VPS13D: variants seen among roughly 807,000 people sequenced by gnomAD.
VPS13D encodes intermembrane lipid transfer protein VPS13D.
Under a neutral mutation model 461.9 loss-of-function variants are expected in VPS13D, and 187 were observed. The ratio of observed to expected loss-of-function variants is 0.40; its 90% confidence interval spans 0.36 to 0.46. VPS13D has a LOEUF of 0.46. VPS13D is among the 20% of genes least tolerant of loss of function. The probability of loss-of-function intolerance (pLI) is 0.60; values close to 1 mark genes in which losing one functional copy is unlikely to be tolerated. For missense variants in VPS13D, 4,711 were observed against 5,364.9 expected (o/e 0.88, Z 3.81); for synonymous variants, 1,951 against 1,986.3 (o/e 0.98, Z 0.47).
rs116215198 is a variant in VPS13D, at chr1:12,355,981, C to T, written c.9762C>T (p.Leu3254=). 2.2e-4 allele frequency: 347 copies of T among 1,613,578 alleles called. 1 individual carries two copies. In the African/African-American group the frequency reaches 4.0e-3, roughly 19 times the overall value. Reference sequence around the variant, plus strand: ...AAAACTATATGGTGAGAATGCGACTCTATGACGTCAACCGTCGGCAGCTGA... The same window carrying T: ...AAAACTATATGGTGAGAATGCGACTTTATGACGTCAACCGTCGGCAGCTGA... ...GTQNYMVRMR[L]YDVNRRQLNL... Residue 3254 remains leucine, a synonymous_variant, in exon 48 of 70, where the codon CTC becomes CTT. Coordinates refer to ENST00000620676, the MANE Select transcript of VPS13D (RefSeq NM_015378.4).
intron 62 of VPS13D, among the ~76,000 whole-genome samples, chr1:12,403,106 G>A (rs1023504676): frequency 2.6e-5 from 4 of 152,232 alleles, no homozygotes; most frequent in African/African-American, 9.6e-5. Context: ...TGATAAGTAG[G>A]TATGTGCCAG....
At chr1:12,492,078 C>T (rs1350374021) in intron 67 of VPS13D, among the ~76,000 whole-genome samples, 1 of 152,080 alleles carries the variant, frequency 6.6e-6, no homozygotes, top group Non-Finnish European at 1.5e-5. Context: ...TCCATTGTCC[C>T]CAGAATTATT....
chr1:12,482,039 G>C (rs1319249105), intron 67 of VPS13D, among the ~76,000 whole-genome samples: 1 of 152,232 alleles, frequency 6.6e-6, no homozygotes, highest in African/African-American at 2.4e-5. Context: ...CTGCAAGCAA[G>C]AGAAGCCCGC....
intron 67 of VPS13D, among the ~76,000 whole-genome samples, chr1:12,460,921 A>G (rs996208637): frequency 2.6e-5 from 4 of 151,994 alleles, no homozygotes; most frequent in Non-Finnish European, 5.9e-5. Flanking sequence ...CCCCAACCCC[A>G]TAAAGAAAAG....
intron 64 of VPS13D, among the ~76,000 whole-genome samples, chr1:12,415,621 C>T (rs1644783662): frequency 1.3e-5 from 2 of 148,310 alleles, no homozygotes; most frequent in Admixed American, 1.4e-4. Flanking sequence ...TTTAAATCAC[C>T]TTGGACATTT....
intron 60 of VPS13D, among the ~76,000 whole-genome samples, chr1:12,396,621 C>A (rs1272261321): frequency 6.6e-6 from 1 of 152,182 alleles, no homozygotes; most frequent in Non-Finnish European, 1.5e-5. Flanking sequence ...TACATCCTTA[C>A]TGGGAGTGTG....
In VPS13D at chr1:12,403,821, C is replaced by T; in HGVS notation, c.11882-4C>T. ...TTGTTTTTTTAATTCTTCCTTTGTA[C>T]CAGAGGTGGAAAAATATGATGAAAA... On this transcript the variant is annotated splice_region_variant and splice_polypyrimidine_tract_variant and intron_variant, in intron 62 of 69. Coordinates refer to ENST00000620676, the MANE Select transcript of VPS13D (RefSeq NM_015378.4). 2 of 1,589,108 alleles carry T rather than the reference C, an allele frequency of 1.3e-6. No individual in the cohort carries two copies. Among genetic ancestry groups the T allele is most frequent in the Non-Finnish European group, 1.7e-6 (2 of 1,169,868 alleles).
At chr1:12,371,054 T>G (rs1050479863) in intron 54 of VPS13D, among the ~76,000 whole-genome samples, 1 of 152,244 alleles carries the variant, frequency 6.6e-6, no homozygotes, top group African/African-American at 2.4e-5. Flanking sequence ...TTTTTAATTT[T>G]GTTTTTGAGG....
At chr1:12,398,894 A>G (rs1260244412) in intron 60 of VPS13D, among the ~76,000 whole-genome samples, 1 of 152,236 alleles carries the variant, frequency 6.6e-6, no homozygotes, top group East Asian at 1.9e-4. Flanking sequence ...CCTTGGGGTC[A>G]GACAGACCGA....
intron 2 of VPS13D, among the ~76,000 whole-genome samples, chr1:12,240,218 T>C (rs1339337245): frequency 1.3e-5 from 2 of 152,164 alleles, no homozygotes; most frequent in Non-Finnish European, 1.5e-5. Flanking sequence ...TGCCTGCAAT[T>C]CCCTTTACTT....
chr1:12,321,157 C>T (rs1460305678), intron 32 of VPS13D, among the ~76,000 whole-genome samples: 2 of 152,172 alleles, frequency 1.3e-5, no homozygotes, highest in South Asian at 4.1e-4. Context: ...TATTTTTTAA[C>T]CTTTTATTAT....
At chr1:12,368,150 C>G (rs1254938545) in intron 52 of VPS13D, among the ~76,000 whole-genome samples, 1 of 152,122 alleles carries the variant, frequency 6.6e-6, no homozygotes, top group Non-Finnish European at 1.5e-5. Flanking sequence ...CTTTCCATTC[C>G]CTTCAGCGAT....
intron 66 of VPS13D, 99 bp downstream of exon 66, chr1:12,456,229 C>T (rs946664682): frequency 1.9e-5 from 27 of 1,458,670 alleles, no homozygotes; most frequent in Non-Finnish European, 2.3e-5. Flanking sequence ...GTGGGCTGGG[C>T]GCGGTGGCTC....
chr1:12,276,621 A>C lies in VPS13D; in HGVS notation c.3033A>C (p.Thr1011=). 1 of 1,614,198 alleles carries C rather than the reference A, an allele frequency of 6.2e-7. No individual in the cohort carries two copies. The highest frequency in any genetic ancestry group is 8.5e-7 in the Non-Finnish European group (1 of 1,180,026). The change falls in exon 19 of 70, where the codon ACA becomes ACC. Residue 1011 remains threonine, a synonymous_variant. Transcript: ENST00000620676. This position sits in a 1 kb window ranked among gnomAD's most constrained non-coding sequence, Gnocchi z 4.5. ...HGLLLVDTMQ[T]YGADFDLLMA... is the part of the protein sequence containing the mutation. ...TGCTCCTGGTGGATACCATGCAGACATATGGTGCTGATTTTGACCTTTTGA... is the reference window on the plus strand; with the variant it reads ...TGCTCCTGGTGGATACCATGCAGACCTATGGTGCTGATTTTGACCTTTTGA...
chr1:12,419,187 A>G (rs1459237407), intron 65 of VPS13D, among the ~76,000 whole-genome samples: 1 of 152,206 alleles, frequency 6.6e-6, no homozygotes, highest in African/African-American at 2.4e-5. Context: ...TTGATTTGGT[A>G]TCATGCTTTG....
At chr1:12,310,794 TC>T (rs1337341897) in intron 27 of VPS13D, among the ~76,000 whole-genome samples, 192 of 119,030 alleles carry the variant, frequency 1.6e-3, no homozygotes, top group South Asian at 6.4e-3. Context: ...CTTCCTTCCT[TC>T]CCTCCCTCCC....
intron 37 of VPS13D, among the ~76,000 whole-genome samples, chr1:12,332,500 A>G (rs1010780781): frequency 6.6e-6 from 1 of 152,228 alleles, no homozygotes; most frequent in South Asian, 2.1e-4. Context: ...CATTTATGTA[A>G]AGATCACAAG....
chr1:12,375,277 A>AGTT (rs1206878846), intron 55 of VPS13D, among the ~76,000 whole-genome samples: 2 of 152,222 alleles, frequency 1.3e-5, no homozygotes, highest in Non-Finnish European at 2.9e-5. Flanking sequence ...AATTAGGTGC[A>AGTT]GTTGTTGCTA....
chr1:12,294,704 C>G (rs976450978), intron 24 of VPS13D, among the ~76,000 whole-genome samples: 1 of 151,928 alleles, frequency 6.6e-6, no homozygotes, highest in East Asian at 1.9e-4. Context: ...CCCAGCTATT[C>G]GGGAGGCTAA....
Sources: allele counts gnomAD v4.1 joint callset (sites outside exome capture counted in the v4.1 genomes callset), GRCh38; gene constraint gnomAD v4.1.1; non-coding constraint Gnocchi (gnomAD v3.1); transcripts MANE v1.5; gene names NCBI Gene and HGNC (gene_info 2026-07-23, HGNC 2026-07-21).